The following TNNT3 variants were observed in gnomAD, a reference collection of about 807,000 sequenced individuals.
TNNT3 encodes troponin T, fast skeletal muscle.
In TNNT3, 36 loss-of-function variants were observed where a neutral mutation model predicts 54.2. The ratio of observed to expected loss-of-function variants is 0.66; its 90% CI spans 0.51 to 0.88. The LOEUF is 0.88. Among genes scored for constraint, TNNT3 ranks in the 40% least tolerant of loss-of-function variants. TNNT3 has a pLI of 0.00. For missense variants in TNNT3, 291 were observed against 331.6 expected, an observed-to-expected ratio of 0.88 and a Z score of 0.95; for synonymous variants, 120 against 109.7, an observed-to-expected ratio of 1.09 and a Z score of -0.59.
chr11:1,926,424 A>C, intron 5 of TNNT3: 1 of 1,612,646 alleles, frequency 6.2e-7, no homozygotes, highest in Non-Finnish European at 8.5e-7. Context: ...TTGACCTCTG[A>C]CCCGCGGTTT....
At chr11:1,932,023 C>A (rs936769780) in intron 8 of TNNT3, among the ~76,000 whole-genome samples, 17 of 152,202 alleles carry the variant, frequency 1.1e-4, no homozygotes, top group Admixed American at 4.6e-4. Flanking sequence ...TTCCTTTGGG[C>A]CCCCAGAGAG....
chr11:1,921,866 C>A (rs1850184802), intron 1 of TNNT3, among the ~76,000 whole-genome samples: 1 of 152,332 alleles, frequency 6.6e-6, no homozygotes, highest in South Asian at 2.1e-4. Context: ...AGAGCCTCCC[C>A]AGGCCTGGCC....
intron 8 of TNNT3, among the ~76,000 whole-genome samples, chr11:1,930,389 C>T (rs757854888): frequency 6.6e-6 from 1 of 152,142 alleles, no homozygotes; most frequent in African/African-American, 2.4e-5. Flanking sequence ...GCCCAGAAAC[C>T]CACTTCAGAA....
At chr11:1,936,190 T>TTGTAACC in intron 14 of TNNT3, 1 of 1,613,720 alleles carries the variant, frequency 6.2e-7, no homozygotes, top group Non-Finnish European at 8.5e-7. Context: ...CCATCCAGCC[T>TTGTAACC]TGTAACCATC....
intron 15 of TNNT3, 61 bp from the exon 16 acceptor site, chr11:1,938,377 G>C (rs1855767005): frequency 6.3e-7 from 1 of 1,582,126 alleles, no homozygotes; most frequent in South Asian, 1.1e-5. Context: ...CAGGGTGGGG[G>C]ACCAGGAGGG....
intron 6 of TNNT3, 30 bp downstream of exon 6, chr11:1,926,739 A>G (rs1419842896): frequency 6.2e-7 from 1 of 1,612,994 alleles, no homozygotes; most frequent in African/African-American, 1.3e-5. Flanking sequence ...CCTCCAGGCC[A>G]GAGTCTCCGT....
intron 6 of TNNT3, chr11:1,928,872 T>G: frequency 8.7e-6 from 5 of 577,696 alleles, no homozygotes; most frequent in East Asian, 3.1e-5. Flanking sequence ...GTCCCTCCTA[T>G]TCTCCACTAG....
At chr11:1,936,283 G>A in intron 14 of TNNT3, 1 of 1,612,768 alleles carries the variant, frequency 6.2e-7, no homozygotes, top group African/African-American at 1.3e-5. Flanking sequence ...CCTGGGCCAG[G>A]CCCGTGGGTG....
chr11:1,932,119 C>T (rs552529901), intron 8 of TNNT3, among the ~76,000 whole-genome samples: 6 of 152,226 alleles, frequency 3.9e-5, no homozygotes, highest in Admixed American at 6.5e-5. Context: ...CAGTGGCCAT[C>T]GCTTCTCACC....
chr11:1,933,977 A>T lies in TNNT3; in HGVS notation c.335A>T (p.Glu112Val), dbSNP rs1388665636. 6 of 1,612,564 alleles carry T rather than the reference A, an allele frequency of 3.7e-6. 1 individual carries two copies. The Admixed American group carries it at 1.0e-4, about 27-fold the overall frequency. The part of the protein sequence containing the change: ...ERAEQQRIRA[E>V]KERERQNRLA... ...GCGGAGCAGCAGAGGATTCGTGCAG[A>T]GAAGGAGAGGGAGCGCCAGAACAGA... Residue 112 changes from glutamate (E) to valine (V), a missense_variant, in exon 11 of 16, where the codon GAG becomes GTG. Transcript: ENST00000278317.
chr11:1,935,045 C>A, intron 14 of TNNT3, 126 bp downstream of exon 14: 2 of 911,674 alleles, frequency 2.2e-6, no homozygotes, highest in Non-Finnish European at 3.6e-6. Context: ...CTGAGAGGCC[C>A]AAACAGGCTG....
At position 1,934,842 on chromosome 11, in the gene TNNT3, G is replaced by T; in HGVS notation, c.604G>T (p.Glu202Ter). The change falls in exon 14 of 16, where the codon GAG becomes TAG. Residue 202 changes from glutamate to a stop codon, truncating the protein, a stop_gained. Transcript: ENST00000278317. LOFTEE classifies it high-confidence loss of function. ...GEDKLRDKAKELWETLHQLEI... is the reference protein window; with the variant it reads ...GEDKLRDKAK ...CCTCTGCCCCAGGGACAAGGCCAAG[G>T]AGCTCTGGGAGACCCTGCACCAGCT... 6.2e-7 allele frequency: 1 copy of T among 1,613,558 alleles called. No individual in the cohort carries two copies. Among genetic ancestry groups the T allele is most frequent in the Non-Finnish European group, 8.5e-7 (1 of 1,180,036 alleles).
At chr11:1,920,552 C>T (rs1048239951) in intron 1 of TNNT3, among the ~76,000 whole-genome samples, 7 of 150,472 alleles carry the variant, frequency 4.7e-5, no homozygotes, top group East Asian at 4.0e-4. Flanking sequence ...CTGAAGTCCA[C>T]GGAGGGACAT....
At position 1,934,663 on chromosome 11, in the gene TNNT3, G is replaced by A; in HGVS notation, c.590+8G>A. The A allele has an allele frequency of 1.2e-6, 2 of 1,608,130 alleles. No homozygotes were observed. Among genetic ancestry groups the A allele is most frequent in the Non-Finnish European group, 1.7e-6 (2 of 1,177,682 alleles). Reference sequence around the variant, plus strand: ...TGGTGAAGACAAACTGAGGTGAGGGGTGGGTGTTGTGGGGCTCAGCCCCAC... The same window carrying A: ...TGGTGAAGACAAACTGAGGTGAGGGATGGGTGTTGTGGGGCTCAGCCCCAC... On this transcript the variant is annotated splice_region_variant and intron_variant, in intron 13 of 15. Transcript: ENST00000278317.
At chr11:1,930,060 GGGT>G (rs1852918548) in intron 8 of TNNT3, among the ~76,000 whole-genome samples, 2 of 152,212 alleles carry the variant, frequency 1.3e-5, no homozygotes, top group Admixed American at 1.3e-4. Flanking sequence ...TCAGAGCGCA[GGGT>G]GGGAGGGATG....
chr11:1,923,033 C>T lies in TNNT3; in HGVS notation c.18-15C>T, dbSNP rs1235290146. ...CCTCTCTCTCTTTCTTTCTCTCTCT[C>T]TCCCTGCCCCACAGTGAACAGGTGG... is the stretch of plus-strand genomic sequence containing the variant. On this transcript the variant is annotated splice_polypyrimidine_tract_variant and intron_variant, in intron 2 of 15. Coordinates refer to ENST00000278317, the MANE Select transcript of TNNT3 (RefSeq NM_006757.4). The T allele has an allele frequency of 1.2e-6, 2 of 1,613,932 alleles. No homozygotes were observed. The highest frequency in any genetic ancestry group is 1.3e-5 in the African/African-American group (1 of 74,928).
intron 6 of TNNT3, chr11:1,928,915 G>A (rs1469697776): frequency 1.6e-6 from 1 of 626,930 alleles, no homozygotes; most frequent in African/African-American, 1.8e-5. Context: ...TGGGCACCCA[G>A]CCCCTTCCAC....
In TNNT3 at chr11:1,923,581, G is replaced by C. The variant is rs973423737; in HGVS notation, c.49+9G>C. 2.5e-5 allele frequency: 41 copies of C among 1,613,514 alleles called. No individual in the cohort carries two copies. The highest frequency in any genetic ancestry group is 3.3e-5 in the Non-Finnish European group (39 of 1,179,824). On this transcript the variant is annotated intron_variant, in intron 4 of 15. Transcript: ENST00000278317. Reference sequence around the variant, plus strand: ...GCAGTACGAAGAAGAAGGTAATTCTGGCAACCACCGGAAGCCCCCCCAGCC... The same window carrying C: ...GCAGTACGAAGAAGAAGGTAATTCTCGCAACCACCGGAAGCCCCCCCAGCC...
rs1311806939 is a variant in TNNT3, at chr11:1,934,811, C to T, written c.591-18C>T. The T allele has an allele frequency of 6.2e-7, 1 of 1,612,208 alleles. No individual in the cohort carries two copies. Among genetic ancestry groups the T allele is most frequent in the Non-Finnish European group, 8.5e-7 (1 of 1,179,128 alleles). On this transcript the variant is annotated intron_variant, in intron 13 of 15. Coordinates refer to ENST00000278317, the MANE Select transcript of TNNT3 (RefSeq NM_006757.4). The stretch of plus-strand genomic sequence containing the variant: ...TTGGGGCTTATTCAACGAAGCCTCA[C>T]CACTTCCTCTGCCCCAGGGACAAGG...
Sources: allele counts gnomAD v4.1 joint callset (sites outside exome capture counted in the v4.1 genomes callset), GRCh38; gene constraint gnomAD v4.1.1; transcripts MANE v1.5; gene names NCBI Gene and HGNC (gene_info 2026-07-23, HGNC 2026-07-21).